Variants in RFC3 observed in about 807,000 individuals in gnomAD.
RFC3 encodes the protein replication factor C subunit 3, also known as A1 38 kDa subunit.
A neutral mutation model predicts 45.1 loss-of-function variants in RFC3; 41 were observed. That is an observed-to-expected ratio of 0.91 (90% CI 0.71 to 1.18). RFC3 has a LOEUF of 1.18. RFC3 is among the 50% of genes most tolerant of loss of function. The pLI is 0.00. For missense variants in RFC3, 423 were observed against 428.1 expected (o/e 0.99, Z 0.10); for synonymous variants, 149 against 144.0 (o/e 1.03, Z -0.25).
At chr13:33,861,365 T>C (rs1362960648) in intron 8 of RFC3, among the ~76,000 whole-genome samples, 1 of 152,096 alleles carries the variant, frequency 6.6e-6, no homozygotes, top group Non-Finnish European at 1.5e-5. Context: ...TGGTGGCTCA[T>C]GCCTGTAATC....
chr13:33,969,451 G>C (rs866749588), downstream of RFC3, among the ~76,000 whole-genome samples: 5 of 152,266 alleles, frequency 3.3e-5, no homozygotes, highest in Middle Eastern at 6.8e-3. Flanking sequence ...TCACCAGCTG[G>C]CACTCAGGAA....
the RFC3 span, among the ~76,000 whole-genome samples, chr13:33,974,447 A>G: frequency 1.3e-5 from 2 of 151,914 alleles, no homozygotes; most frequent in Non-Finnish European, 2.9e-5. Context: ...AAACAACTCT[A>G]TTTCCTTCCC....
At chr13:33,977,252 G>T in the RFC3 span, among the ~76,000 whole-genome samples, 1 of 152,164 alleles carries the variant, frequency 6.6e-6, no homozygotes, top group Non-Finnish European at 1.5e-5. Context: ...ATTAACTGCG[G>T]TCTATCTATC....
chr13:33,955,135 A>G lies in RFC3; in HGVS notation c.880-10952A>G, dbSNP rs543055636. 1.1e-3 allele frequency among the ~76,000 whole-genome samples: 160 copies of G among 152,290 alleles called. 1 individual carries two copies. The highest frequency in any genetic ancestry group is 3.6e-3 in the African/African-American group (151 of 41,558). ...AGAAATGGTTTCAGAAAGAATGATG[A>G]CATCACTGAGCTACCAAGACGGAAA... On this transcript the variant is annotated intron_variant, in intron 8 of 8. Transcript: ENST00000434425.
chr13:33,948,107 C>T (rs558459414), intron 8 of RFC3, among the ~76,000 whole-genome samples: 2 of 152,338 alleles, frequency 1.3e-5, no homozygotes, highest in East Asian at 3.9e-4. Flanking sequence ...CAGCCCCTTC[C>T]ATCACAGACC....
chr13:33,967,029 C>T (rs1163208916), downstream of RFC3, among the ~76,000 whole-genome samples: 2 of 151,742 alleles, frequency 1.3e-5, no homozygotes, highest in Non-Finnish European at 2.9e-5. Flanking sequence ...GTGGTGGTGC[C>T]GCTTGTGGTC....
At chr13:33,913,945 A>G (rs895899159) in intron 8 of RFC3, among the ~76,000 whole-genome samples, 1 of 152,154 alleles carries the variant, frequency 6.6e-6, no homozygotes, top group East Asian at 1.9e-4. Context: ...ATGTAATTTT[A>G]TGAAAATATG....
intron 7 of RFC3, among the ~76,000 whole-genome samples, chr13:33,832,412 T>G (rs2082113328): frequency 6.6e-6 from 1 of 152,230 alleles, no homozygotes; most frequent in Non-Finnish European, 1.5e-5. Flanking sequence ...CTTTTGTTGA[T>G]ACATCTGATG....
chr13:33,850,536 T>A (rs893036122), intron 8 of RFC3: 3 of 152,084 alleles, frequency 2.0e-5, no homozygotes, highest in African/African-American at 7.2e-5. Context: ...TTGAAATAAA[T>A]TATGTTCTTG....
intron 8 of RFC3, among the ~76,000 whole-genome samples, chr13:33,965,297 T>A (rs906385144): frequency 6.6e-6 from 1 of 152,162 alleles, no homozygotes; most frequent in Non-Finnish European, 1.5e-5. Flanking sequence ...ATTCGGTCAA[T>A]GACAAGGTAG....
chr13:33,930,586 T>G (rs918209526), intron 8 of RFC3, among the ~76,000 whole-genome samples: 2 of 152,080 alleles, frequency 1.3e-5, no homozygotes, highest in Non-Finnish European at 2.9e-5. Context: ...GTTAATCTCC[T>G]TTGGCAACAC....
intron 8 of RFC3, among the ~76,000 whole-genome samples, chr13:33,851,013 A>C (rs1168848351): frequency 6.6e-6 from 1 of 152,196 alleles, no homozygotes; most frequent in Non-Finnish European, 1.5e-5. Context: ...TAATTGCCTG[A>C]TTCAGCATGA....
At chr13:33,905,422 CT>C (rs72176547) in intron 8 of RFC3, among the ~76,000 whole-genome samples, 77 of 148,404 alleles carry the variant, frequency 5.2e-4, no homozygotes, top group Middle Eastern at 7.1e-3. Context: ...CTTGTGTTCT[CT>C]TTTTTTTTTC....
At chr13:33,903,575 C>CA (rs2082654409) in intron 8 of RFC3, among the ~76,000 whole-genome samples, 1 of 152,068 alleles carries the variant, frequency 6.6e-6, no homozygotes, top group African/African-American at 2.4e-5. Context: ...TGGGCTCCAG[C>CA]AACCACTCTA....
intron 2 of RFC3, among the ~76,000 whole-genome samples, chr13:33,822,422 C>T (rs545987772): frequency 5.7e-4 from 86 of 152,178 alleles, no homozygotes; most frequent in Non-Finnish European, 9.7e-4. Flanking sequence ...CCATATGGAA[C>T]GGTACATTTC....
the RFC3 span, among the ~76,000 whole-genome samples, chr13:33,973,199 C>A: frequency 6.6e-6 from 1 of 152,090 alleles, no homozygotes; most frequent in Non-Finnish European, 1.5e-5. Context: ...AATGGTTAAA[C>A]TGCAAGTTCT....
intron 8 of RFC3, among the ~76,000 whole-genome samples, chr13:33,965,582 CG>C (rs1193637548): frequency 6.6e-6 from 1 of 152,020 alleles, no homozygotes; most frequent in Non-Finnish European, 1.5e-5. Context: ...GTTCCTCACA[CG>C]GGTATTGTGA....
At chr13:33,965,422 A>T (rs1392622233) in intron 8 of RFC3, among the ~76,000 whole-genome samples, 1 of 152,176 alleles carries the variant, frequency 6.6e-6, no homozygotes, top group Admixed American at 6.5e-5. Flanking sequence ...GTAGCCTAGG[A>T]GCTATACCAA....
intron 8 of RFC3, among the ~76,000 whole-genome samples, chr13:33,860,352 A>G (rs1414935899): frequency 6.6e-6 from 1 of 152,024 alleles, no homozygotes; most frequent in African/African-American, 2.4e-5. Context: ...CCACACACTC[A>G]CTTGCTTGGA....
Sources: gnomAD v4.1 joint callset for allele counts (sites outside exome capture counted in the v4.1 genomes callset) on GRCh38, gnomAD v4.1.1 for gene constraint, MANE v1.5 for transcripts, NCBI Gene and HGNC (gene_info 2026-07-23, HGNC 2026-07-21) for gene names.